RBFOX1: variants seen among roughly 807,000 people sequenced by gnomAD.
RBFOX1 encodes the protein RNA binding fox-1 homolog 1, also known as RNA binding protein fox-1 homolog 1.
RBFOX1 carries 8 observed loss-of-function variants against 57.7 expected under a neutral mutation model. The ratio of observed to expected loss-of-function variants is 0.14; its 90% CI spans 0.08 to 0.25. RBFOX1 has a LOEUF of 0.25. RBFOX1 is among the 10% of genes least tolerant of loss of function. The probability of loss-of-function intolerance (pLI) is 1.00; values close to 1 mark genes in which losing one functional copy is unlikely to be tolerated. For synonymous variants in RBFOX1, 326 were observed against 222.4 expected (o/e 1.47, Z -4.15); for missense variants, 611 against 548.5 (o/e 1.11, Z -1.14).
At chr16:6,720,274 C>G (rs1458014236) in intron 3 of RBFOX1, among the ~76,000 whole-genome samples, 1 of 152,092 alleles carries the variant, frequency 6.6e-6, no homozygotes, top group Admixed American at 6.5e-5. Flanking sequence ...CTTCTTCCCC[C>G]TTCACTCTTT....
intron 3 of RBFOX1, among the ~76,000 whole-genome samples, chr16:6,907,704 G>C (rs2070407456): frequency 6.6e-6 from 1 of 152,074 alleles, no homozygotes; most frequent in Non-Finnish European, 1.5e-5. Context: ...CTGAGTAGCT[G>C]GGATTACAGG....
chr16:7,144,694 G>C (rs756356071), intron 4 of RBFOX1, among the ~76,000 whole-genome samples: 5 of 152,028 alleles, frequency 3.3e-5, no homozygotes, highest in African/African-American at 7.2e-5. Context: ...CTGCAGAGCA[G>C]CTTCCCTCCG....
At chr16:5,883,218 C>A (rs2057807583) in intron 4 of RBFOX1, among the ~76,000 whole-genome samples, 2 of 152,064 alleles carry the variant, frequency 1.3e-5, no homozygotes, top group African/African-American at 4.8e-5. Context: ...GGATGTGGAA[C>A]AAAAGCAACA....
At chr16:7,059,840 A>T (rs1287708204) in intron 4 of RBFOX1, among the ~76,000 whole-genome samples, 2 of 152,166 alleles carry the variant, frequency 1.3e-5, no homozygotes, top group Admixed American at 1.3e-4. Context: ...TTGTAATTAC[A>T]TTAGTTAGTG....
intron 3 of RBFOX1, among the ~76,000 whole-genome samples, chr16:6,830,637 A>G (rs950372287): frequency 6.6e-6 from 1 of 152,204 alleles, no homozygotes; most frequent in African/African-American, 2.4e-5. Context: ...ATACCACAGT[A>G]TATAGAACAG....
rs115928102 is a variant in RBFOX1, at chr16:6,793,837, A to G, written c.-16+139187A>G. On this transcript the variant is annotated intron_variant, in intron 3 of 15. Coordinates refer to ENST00000550418, the MANE Select transcript of RBFOX1 (RefSeq NM_018723.4). ...TTTGGTTAGTAGAAGGTGATGTATT[A>G]AAGTGGAGGTCTGGTATAGCTGATG... Among the ~76,000 whole-genome samples the G allele has an allele frequency of 7.6e-3, 1,160 of 152,262 alleles. 20 individuals are homozygous for G. Among genetic ancestry groups the G allele is most frequent in the African/African-American group, 0.026 (1,059 of 41,526 alleles).
intron 2 of RBFOX1, among the ~76,000 whole-genome samples, chr16:5,481,013 C>G (rs2069521391): frequency 1.3e-5 from 2 of 152,226 alleles, no homozygotes; most frequent in African/African-American, 4.8e-5. Flanking sequence ...GCAACCTACA[C>G]AATCAGAACA....
At chr16:6,007,500 G>A (rs1286017047) in intron 4 of RBFOX1, among the ~76,000 whole-genome samples, 1 of 152,184 alleles carries the variant, frequency 6.6e-6, no homozygotes, top group Non-Finnish European at 1.5e-5. Context: ...TTCCAGCCTT[G>A]CCAGAGACCT....
At chr16:5,470,139 T>G (rs573910054) in intron 2 of RBFOX1, among the ~76,000 whole-genome samples, 4 of 152,156 alleles carry the variant, frequency 2.6e-5, no homozygotes, top group Admixed American at 1.3e-4. Flanking sequence ...GCTCCCAGAG[T>G]GAGGAACAGA....
intron 1 of RBFOX1, among the ~76,000 whole-genome samples, chr16:5,429,656 G>T (rs1384008117): frequency 6.6e-6 from 1 of 152,182 alleles, no homozygotes; most frequent in Non-Finnish European, 1.5e-5. Flanking sequence ...TGGCACAAAG[G>T]CCTGGATAGT....
At chr16:7,495,293 C>T (rs2068256651) in intron 4 of RBFOX1, among the ~76,000 whole-genome samples, 2 of 152,188 alleles carry the variant, frequency 1.3e-5, no homozygotes, top group African/African-American at 4.8e-5. Context: ...GTGCAGGTGT[C>T]TTTCTGAGAT....
chr16:6,692,764 G>A (rs973787668), intron 3 of RBFOX1, among the ~76,000 whole-genome samples: 1 of 151,774 alleles, frequency 6.6e-6, no homozygotes, highest in African/African-American at 2.4e-5. Flanking sequence ...ACCCACCTCT[G>A]GTATCAACAT....
At chr16:5,793,138 C>T (rs56142463) in intron 3 of RBFOX1, among the ~76,000 whole-genome samples, 36,005 of 152,088 alleles carry the variant, frequency 0.24, 5,030 homozygotes, top group East Asian at 0.55. Flanking sequence ...CTCCATGACT[C>T]CCTTTCTCTC....
intron 4 of RBFOX1, among the ~76,000 whole-genome samples, chr16:7,452,476 C>A (rs557131228): frequency 1.3e-5 from 2 of 152,268 alleles, no homozygotes; most frequent in African/African-American, 4.8e-5. Context: ...GCTTGTCTTT[C>A]CCATTACAGA....
intron 2 of RBFOX1, among the ~76,000 whole-genome samples, chr16:6,524,563 T>G (rs1233360069): frequency 6.6e-6 from 1 of 152,112 alleles, no homozygotes; most frequent in African/African-American, 2.4e-5. Context: ...TGGGCACAGT[T>G]TTTGAGTTTG....
intron 1 of RBFOX1, among the ~76,000 whole-genome samples, chr16:5,341,650 G>T (rs1030892064): frequency 1.3e-5 from 2 of 152,130 alleles, no homozygotes; most frequent in Non-Finnish European, 2.9e-5. Flanking sequence ...CTCTGCTTTT[G>T]CCATCTTGAA....
chr16:7,222,781 G>A (rs1467557626), intron 4 of RBFOX1, among the ~76,000 whole-genome samples: 1 of 152,192 alleles, frequency 6.6e-6, no homozygotes, highest in African/African-American at 2.4e-5. Context: ...AGGAACCAGT[G>A]CCATTTCACA....
At chr16:6,886,807 G>A (rs997801700) in intron 3 of RBFOX1, among the ~76,000 whole-genome samples, 1 of 151,140 alleles carries the variant, frequency 6.6e-6, no homozygotes, top group Non-Finnish European at 1.5e-5. Flanking sequence ...GAAAAAAAAA[G>A]AATGAAAATG....
intron 4 of RBFOX1, among the ~76,000 whole-genome samples, chr16:5,929,209 C>A (rs532665483): frequency 3.2e-4 from 48 of 152,164 alleles, no homozygotes; most frequent in African/African-American, 1.2e-3. Context: ...TCTCACCCCT[C>A]CCCCAGCACC....
Sources: allele counts gnomAD v4.1 joint callset (sites outside exome capture counted in the v4.1 genomes callset), GRCh38; gene constraint gnomAD v4.1.1; transcripts MANE v1.5; gene names NCBI Gene and HGNC (gene_info 2026-07-23, HGNC 2026-07-21).